The following PTPA variants were observed in gnomAD, a reference collection of about 807,000 sequenced individuals.
The protein encoded by PTPA is protein phosphatase 2 phosphatase activator.
A neutral mutation model predicts 43.6 loss-of-function variants in PTPA; 13 were observed. The observed-to-expected ratio is 0.30, with a 90% CI of 0.19 to 0.47. PTPA has a LOEUF of 0.47. PTPA is among the 20% of genes least tolerant of loss of function. The pLI is 0.99. For missense variants in PTPA, 329 were observed against 411.9 expected, an observed-to-expected ratio of 0.80 and a Z score of 1.74; for synonymous variants, 172 against 158.2, an observed-to-expected ratio of 1.09 and a Z score of -0.66.
chr9:129,133,086 A>G (rs374098058), intron 5 of PTPA, among the ~76,000 whole-genome samples: 14 of 152,176 alleles, frequency 9.2e-5, no homozygotes, highest in African/African-American at 3.1e-4. Context: ...CTGAGACCCC[A>G]TCTCTCAAAA....
chr9:129,141,437 T>G (rs149288969), intron 8 of PTPA, among the ~76,000 whole-genome samples: 2 of 152,336 alleles, frequency 1.3e-5, no homozygotes, highest in African/African-American at 4.8e-5. Flanking sequence ...TTCTGCAGCA[T>G]GGGTCTGGGG....
rs1331391926 is a variant in PTPA at position 129,134,886 on chromosome 9, G to A, written c.552G>A (p.Val184=). ...ACCAAATAGCTATTGTCTTCAAGGT[G>A]TTCAATCGGTGAGAGAAAGGACAGG... ...VDDQIAIVFK[V]FNRYLEVMRK... Residue 184 remains valine, a synonymous_variant, in exon 6 of 10, where the codon GTG becomes GTA. Transcript: ENST00000393370. The A allele has an allele frequency of 1.9e-6, 3 of 1,612,416 alleles. No individual in the cohort carries two copies. The highest frequency in any genetic ancestry group is 2.7e-5 in the African/African-American group (2 of 74,842).
At chr9:129,115,112 T>C (rs1261941971) in intron 1 of PTPA, among the ~76,000 whole-genome samples, 1 of 152,180 alleles carries the variant, frequency 6.6e-6, no homozygotes, top group Non-Finnish European at 1.5e-5. Flanking sequence ...TTGCAGAGAA[T>C]GGTGATCTCA....
At chr9:129,142,799 G>A (rs1432898803) in intron 9 of PTPA, 3 of 1,535,766 alleles carry the variant, frequency 2.0e-6, no homozygotes, top group African/African-American at 2.7e-5. Context: ...GATGAGCTTG[G>A]AGGCTGAGGC....
intron 6 of PTPA, among the ~76,000 whole-genome samples, chr9:129,135,798 T>C (rs963119935): frequency 6.6e-6 from 1 of 152,168 alleles, no homozygotes; most frequent in Non-Finnish European, 1.5e-5. Flanking sequence ...TCTGATAATA[T>C]AGAAGGTTGG....
At chr9:129,135,930 C>CA (rs149927110) in intron 6 of PTPA, among the ~76,000 whole-genome samples, 1,618 of 152,290 alleles carry the variant, frequency 0.011, 26 homozygotes, top group African/African-American at 0.036. Context: ...TTGATGGCAC[C>CA]AAAACCCACC....
rs1851391667 is a variant in PTPA at position 129,147,653 on chromosome 9, G to A, written c.*189G>A. The A allele has an allele frequency of 8.2e-6, 5 of 610,604 alleles. No homozygotes were observed. The highest frequency in any genetic ancestry group is 3.9e-5 in the South Asian group (2 of 51,818). 37.8% of individuals were successfully genotyped at this position (610,604 alleles called of 1,614,324 possible). A position where few individuals can be genotyped will look rare whatever the true frequency, so the allele number is the denominator to read the frequency against. On this transcript the variant is annotated 3_prime_UTR_variant, in exon 10 of 10. Transcript: ENST00000393370. Reference sequence around the variant, plus strand: ...GGCTTCAGGGCCCAAGTTGGGAGAAGTGACCAAAGTGTAGCCAGTTTTCTG... The same window carrying A: ...GGCTTCAGGGCCCAAGTTGGGAGAAATGACCAAAGTGTAGCCAGTTTTCTG...
At chr9:129,137,033 T>C (rs7021449) in intron 7 of PTPA, among the ~76,000 whole-genome samples, 105,913 of 152,146 alleles carry the variant, frequency 0.7, 36,984 homozygotes, top group Non-Finnish European at 0.7. Context: ...AAGTGCTGGG[T>C]GGTGGGCCTG....
intron 9 of PTPA, chr9:129,143,479 C>T (rs1045636918): frequency 1.4e-6 from 1 of 701,974 alleles, no homozygotes; most frequent in Non-Finnish European, 2.6e-6. Flanking sequence ...TCCAGGTCTT[C>T]ATTGGACCCA....
At chr9:129,140,479 C>G (rs368532323) in intron 8 of PTPA, among the ~76,000 whole-genome samples, 1 of 152,226 alleles carries the variant, frequency 6.6e-6, no homozygotes, top group Admixed American at 6.5e-5. Context: ...GCCACTGGAG[C>G]TCCAGGACAT....
At chr9:129,135,570 T>C (rs1460748921) in intron 6 of PTPA, among the ~76,000 whole-genome samples, 1 of 152,220 alleles carries the variant, frequency 6.6e-6, no homozygotes, top group Non-Finnish European at 1.5e-5. Context: ...ATATCCGGTG[T>C]CTTCACTGGG....
At chr9:129,137,531 C>CG in intron 7 of PTPA, 61 bp from the exon 8 acceptor site, 1 of 1,379,810 alleles carries the variant, frequency 7.2e-7, no homozygotes. Context: ...ACTGCTGGGC[C>CG]GGGTTGCCCA....
At chr9:129,119,499 A>G (rs10819467) in intron 1 of PTPA, 90,163 of 150,786 alleles carry the variant, frequency 0.6, 28,741 homozygotes, top group Non-Finnish European at 0.7. Flanking sequence ...TCCGCCTCCC[A>G]GGTTCACGCC....
intron 1 of PTPA, among the ~76,000 whole-genome samples, chr9:129,117,032 C>T (rs950438588): frequency 5.3e-5 from 8 of 151,966 alleles, no homozygotes; most frequent in African/African-American, 1.9e-4. Flanking sequence ...AATTACACAT[C>T]ATCTTATCAA....
chr9:129,146,167 G>C (rs1269808939), intron 9 of PTPA, among the ~76,000 whole-genome samples: 1 of 152,100 alleles, frequency 6.6e-6, no homozygotes, highest in Admixed American at 6.5e-5. Flanking sequence ...CAGCTGCCTT[G>C]GCCTCTGGCC....
chr9:129,145,047 C>T (rs1851204566), intron 9 of PTPA, among the ~76,000 whole-genome samples: 1 of 146,082 alleles, frequency 6.8e-6, no homozygotes, highest in Admixed American at 6.9e-5. Context: ...AAAAAAATCA[C>T]TGGTTGGGTG....
At chr9:129,137,358 C>T (rs1850439608) in intron 7 of PTPA, among the ~76,000 whole-genome samples, 1 of 152,228 alleles carries the variant, frequency 6.6e-6, no homozygotes, top group Non-Finnish European at 1.5e-5. Context: ...TCCCCAGTGT[C>T]CAGGTGAGGA....
At chr9:129,132,671 C>A (rs138462566) in intron 5 of PTPA, among the ~76,000 whole-genome samples, 180 of 152,284 alleles carry the variant, frequency 1.2e-3, no homozygotes, top group Non-Finnish European at 2.0e-3. Flanking sequence ...TTGGTAGAGA[C>A]AGGGTTTCAC....
chr9:129,115,208 G>T (rs1848787924), intron 1 of PTPA, among the ~76,000 whole-genome samples: 1 of 152,190 alleles, frequency 6.6e-6, no homozygotes, highest in African/African-American at 2.4e-5. Flanking sequence ...TAAAAGCAAT[G>T]TGGTTGGGTT....
Sources: gnomAD v4.1 joint callset for allele counts (sites outside exome capture counted in the v4.1 genomes callset) on GRCh38, gnomAD v4.1.1 for gene constraint, MANE v1.5 for transcripts, NCBI Gene and HGNC (gene_info 2026-07-23, HGNC 2026-07-21) for gene names.